The following SNED1 variants were observed in gnomAD, a reference collection of about 807,000 sequenced individuals.
SNED1 encodes sushi, nidogen and EGF like domains 1.
Under a neutral mutation model 166.7 loss-of-function variants are expected in SNED1, and 81 were observed. That is an observed-to-expected ratio of 0.49 (90% confidence interval 0.41 to 0.58). The LOEUF is 0.58. SNED1 is among the 20% of genes least tolerant of loss of function. The pLI is 0.00. For synonymous variants in SNED1, 762 were observed against 822.0 expected (o/e 0.93, Z 1.25); for missense variants, 1,604 against 2,000.2 (o/e 0.80, Z 3.78).
chr2:241,076,096 T>A (rs897647856), intron 27 of SNED1, among the ~76,000 whole-genome samples: 1 of 152,220 alleles, frequency 6.6e-6, no homozygotes, highest in African/African-American at 2.4e-5. Context: ...TTACTCTTCA[T>A]CTTCAGAAGT....
intron 27 of SNED1, among the ~76,000 whole-genome samples, chr2:241,077,888 G>A (rs1163814814): frequency 6.6e-6 from 1 of 152,116 alleles, no homozygotes; most frequent in Non-Finnish European, 1.5e-5. Flanking sequence ...ACTGTAAAGT[G>A]GTACAGCTGC....
At chr2:241,004,944 A>G (rs923985543) in intron 1 of SNED1, among the ~76,000 whole-genome samples, 1 of 151,886 alleles carries the variant, frequency 6.6e-6, no homozygotes, top group East Asian at 1.9e-4. Flanking sequence ...GCTGGTCTTG[A>G]ACTCCTGATC....
intron 1 of SNED1, among the ~76,000 whole-genome samples, chr2:241,026,040 G>C (rs1397323097): frequency 2.8e-5 from 2 of 72,700 alleles, no homozygotes; most frequent in Non-Finnish European, 4.8e-5. Context: ...TTTTGAGACA[G>C]AGTCTTGCTC....
rs1159962124 is a variant in SNED1, at chr2:241,036,886, C to T, written c.902C>T (p.Ser301Leu). 4 of 1,611,564 alleles carry T rather than the reference C, an allele frequency of 2.5e-6. No individual in the cohort carries two copies. Among genetic ancestry groups the T allele is most frequent in the Non-Finnish European group, 1.7e-6 (2 of 1,179,608 alleles). Reference sequence around the variant, plus strand: ...CCCTCCTACACCTGCTCCTGCCTCTCGGGCTTCACGGGGCGGAGGTGCCAC... The same window carrying T: ...CCCTCCTACACCTGCTCCTGCCTCTTGGGCTTCACGGGGCGGAGGTGCCAC... ...GNPSYTCSCL[S>L]GFTGRRCHLD... The change falls in exon 5 of 32, where the codon TCG becomes TTG. Residue 301 changes from serine to leucine, a missense_variant. This residue lies in a region of SNED1 where 1,237 missense variants were observed against 1,620.8 expected (regional missense o/e 0.76). Transcript: ENST00000310397.
In SNED1 at chr2:241,040,380, G is replaced by A; in HGVS notation, c.1240G>A (p.Ala414Thr). The change falls in exon 8 of 32, where the codon GCC becomes ACC. Residue 414 changes from alanine (A) to threonine (T), a missense_variant. Physicochemically the swap from Ala to Thr is moderately conservative, Grantham distance 58. Transcript: ENST00000310397. ...DLVGNYTCLC[A>T]EPFKGLRCET... ...AGTGGGGAATTACACCTGCTTGTGT[G>A]CCGAGCCCTTCAAGGGACTTCGCTG... The A allele has an allele frequency of 6.2e-7, 1 of 1,605,958 alleles. No homozygotes were observed. Among genetic ancestry groups the A allele is most frequent in the African/African-American group, 1.3e-5 (1 of 74,930 alleles).
rs772751362 is a variant in SNED1, at chr2:241,051,809, G to A, written c.1801G>A (p.Glu601Lys). 2.4e-5 allele frequency: 37 copies of A among 1,562,350 alleles called. No individual in the cohort carries two copies. Among genetic ancestry groups the A allele is most frequent in the East Asian group, 4.7e-5 (2 of 42,142 alleles). ...NGGTCKEAGGEYHCSCPYRFT... is the reference protein window; with the variant it reads ...NGGTCKEAGGKYHCSCPYRFT... ...GGGCACGTGCAAGGAGGCGGGCGGC[G>A]AGTACCACTGCAGCTGCCCCTACCG... The change falls in exon 13 of 32, where the codon GAG becomes AAG. Residue 601 changes from glutamate (E) to lysine (K), a missense_variant. Coordinates refer to ENST00000310397, the MANE Select transcript of SNED1 (RefSeq NM_001080437.3). This position sits in a 1 kb window ranked among gnomAD's most constrained non-coding sequence, Gnocchi z 4.7.
At chr2:241,008,782 G>A (rs927010391) in intron 1 of SNED1, among the ~76,000 whole-genome samples, 2 of 152,232 alleles carry the variant, frequency 1.3e-5, no homozygotes, top group African/African-American at 4.8e-5. Flanking sequence ...TGGGCTCTGC[G>A]GGCCAGTCAG....
intron 2 of SNED1, among the ~76,000 whole-genome samples, chr2:241,031,772 G>A (rs559728033): frequency 6.6e-6 from 1 of 152,306 alleles, no homozygotes; most frequent in African/African-American, 2.4e-5. Flanking sequence ...TAGCACTTAC[G>A]TTCGCCTTCC....
chr2:241,094,441 A>G lies in SNED1; in HGVS notation c.*2805A>G, dbSNP rs1164671780. 1 of 470,680 alleles carries G rather than the reference A, an allele frequency of 2.1e-6. No homozygotes were observed. The highest frequency in any genetic ancestry group is 2.0e-5 in the African/African-American group (1 of 50,032). The allele number at this position is 470,680 out of a possible 1,614,324, so 29.2% of individuals were successfully genotyped here. On this transcript the variant is annotated 3_prime_UTR_variant, in exon 32 of 32. Transcript: ENST00000310397. The surrounding 1 kb of genome is among the most constrained non-coding windows in gnomAD (Gnocchi z 4.3). ...GCTGTAAGACGAGGCTGCTGGAGAA[A>G]ACAAAAGCACCTAGATTTCAGTGCT...
rs1432923416 is a variant in SNED1 at position 241,091,235 on chromosome 2, G to A, written c.*2-403G>A. 6.6e-6 allele frequency among the ~76,000 whole-genome samples: 1 copy of A among 152,280 alleles called. No homozygotes were observed. The highest frequency in any genetic ancestry group is 2.4e-5 in the African/African-American group (1 of 41,558). ...CCAGACACCCATCCAAGAACAACAC[G>A]AGAATTCATTTCAACCCAGAGCAAC... On this transcript the variant is annotated intron_variant, in intron 31 of 31. Coordinates refer to ENST00000310397, the MANE Select transcript of SNED1 (RefSeq NM_001080437.3). The surrounding 1 kb of genome is among the most constrained non-coding windows in gnomAD (Gnocchi z 4.1).
chr2:241,050,624 G>T (rs1422122494), intron 12 of SNED1, among the ~76,000 whole-genome samples: 1 of 152,180 alleles, frequency 6.6e-6, no homozygotes, highest in Admixed American at 6.5e-5. Context: ...GGACCCCGTG[G>T]CTCCCCCAAC....
intron 1 of SNED1, among the ~76,000 whole-genome samples, chr2:241,006,773 A>C (rs1259649371): frequency 6.6e-6 from 1 of 152,232 alleles, no homozygotes; most frequent in Non-Finnish European, 1.5e-5. Flanking sequence ...TTCCATGCTC[A>C]GATCTTGGCT....
At chr2:241,029,859 A>C in intron 1 of SNED1, among the ~76,000 whole-genome samples, 1 of 151,808 alleles carries the variant, frequency 6.6e-6, no homozygotes, top group South Asian at 2.1e-4. Context: ...ACCCCTGCCC[A>C]CCCTTTCAGG....
chr2:241,026,163 C>T (rs181738242), intron 1 of SNED1, among the ~76,000 whole-genome samples: 131 of 151,856 alleles, frequency 8.6e-4, no homozygotes, highest in African/African-American at 3.1e-3. Flanking sequence ...TTACAGGCAC[C>T]CAACACCACG....
Position 241,084,869 on chromosome 2 carries a change from T to C in SNED1, c.4121+2505T>C, listed in dbSNP as rs76111970. 6.5e-3 allele frequency among the ~76,000 whole-genome samples: 995 copies of C among 152,330 alleles called. 10 individuals are homozygous for C. Among genetic ancestry groups the C allele is most frequent in the African/African-American group, 0.022 (896 of 41,570 alleles). On this transcript the variant is annotated intron_variant, in intron 29 of 31. Coordinates refer to ENST00000310397, the MANE Select transcript of SNED1 (RefSeq NM_001080437.3). The stretch of plus-strand genomic sequence containing the variant: ...AACTATTTTTTTTTCACCTTCATTT[T>C]TGAAGAATATATTTGCTGAATATAG...
intron 31 of SNED1, chr2:241,090,253 A>AACACACACATTGGCTTATGCCT: frequency 1.3e-6 from 2 of 1,515,106 alleles, no homozygotes; most frequent in Non-Finnish European, 1.8e-6. Flanking sequence ...CTAAGACACA[A>AACACACACATTGGCTTATGCCT]ACACACACAT....
intron 1 of SNED1, among the ~76,000 whole-genome samples, chr2:241,020,965 C>CT (rs2060754369): frequency 1.3e-5 from 2 of 152,218 alleles, no homozygotes; most frequent in Non-Finnish European, 2.9e-5. Context: ...ACAGCAATTC[C>CT]ACCTTCAGAT....
intron 31 of SNED1, chr2:241,089,261 GC>G (rs1212443917): frequency 2.6e-6 from 4 of 1,533,190 alleles, no homozygotes; most frequent in Non-Finnish European, 3.5e-6. Context: ...TGCTCTTCCT[GC>G]CCCTTATAGG....
At chr2:241,082,460 G>T in intron 29 of SNED1, 96 bp downstream of exon 29, 2 of 852,598 alleles carry the variant, frequency 2.3e-6, no homozygotes, top group Non-Finnish European at 3.8e-6. Flanking sequence ...CCCTGAGGAG[G>T]GACGATGGCT....
Sources: allele counts gnomAD v4.1 joint callset (sites outside exome capture counted in the v4.1 genomes callset), GRCh38; gene constraint gnomAD v4.1.1; regional missense constraint gnomAD v4.1.1; non-coding constraint Gnocchi (gnomAD v3.1); transcripts MANE v1.5; gene names NCBI Gene and HGNC (gene_info 2026-07-23, HGNC 2026-07-21).